The following ZNF804B variants were observed in gnomAD, a reference collection of about 807,000 sequenced individuals.
ZNF804B encodes the protein zinc finger 804B.
A neutral mutation model predicts 101.4 loss-of-function variants in ZNF804B; 80 were observed. That is an observed-to-expected ratio of 0.79 (90% CI 0.66 to 0.95). The LOEUF is 0.95. Among genes scored for constraint, ZNF804B ranks in the 40% least tolerant of loss-of-function variants. ZNF804B has a pLI of 0.00. For missense variants in ZNF804B, 1,673 were observed against 1,561.9 expected (o/e 1.07, Z -1.20); for synonymous variants, 622 against 558.8 (o/e 1.11, Z -1.59).
chr7:89,099,826 C>G (rs1277390033), intron 1 of ZNF804B, among the ~76,000 whole-genome samples: 1 of 152,088 alleles, frequency 6.6e-6, no homozygotes. Context: ...AATACAGAAG[C>G]AGCTCAGGAC....
chr7:89,219,821 T>C (rs907290031), intron 2 of ZNF804B, among the ~76,000 whole-genome samples: 1 of 149,424 alleles, frequency 6.7e-6, no homozygotes, highest in African/African-American at 2.5e-5. Context: ...TAGCATTATA[T>C]TGAGTGTATA....
At chr7:89,044,396 T>C (rs1409068603) in intron 1 of ZNF804B, among the ~76,000 whole-genome samples, 1 of 152,032 alleles carries the variant, frequency 6.6e-6, no homozygotes, top group African/African-American at 2.4e-5. Context: ...ACTAATACAG[T>C]AAATTGGTAT....
At chr7:89,230,132 C>T (rs1789167174) in intron 2 of ZNF804B, among the ~76,000 whole-genome samples, 1 of 151,660 alleles carries the variant, frequency 6.6e-6, no homozygotes. Context: ...GCAAAAAGAA[C>T]AGCAAATTAA....
At chr7:89,026,605 A>C (rs1788756082) in intron 1 of ZNF804B, among the ~76,000 whole-genome samples, 1 of 152,124 alleles carries the variant, frequency 6.6e-6, no homozygotes, top group African/African-American at 2.4e-5. Context: ...GAAAAGGATA[A>C]ATTTGGTAAA....
At chr7:89,185,610 C>T (rs1788364926) in intron 1 of ZNF804B, among the ~76,000 whole-genome samples, 1 of 152,080 alleles carries the variant, frequency 6.6e-6, no homozygotes, top group Admixed American at 6.6e-5. Context: ...CTTGTAATCC[C>T]CGCACTTTGA....
chr7:89,218,854 G>A (rs1387549142), intron 2 of ZNF804B, among the ~76,000 whole-genome samples: 3 of 152,044 alleles, frequency 2.0e-5, no homozygotes, highest in Non-Finnish European at 4.4e-5. Context: ...TCATCATAAA[G>A]GTCTTCATCT....
At chr7:88,968,205 A>C (rs549221221) in intron 1 of ZNF804B, among the ~76,000 whole-genome samples, 2 of 151,712 alleles carry the variant, frequency 1.3e-5, no homozygotes, top group South Asian at 2.1e-4. Flanking sequence ...AGGCAATATT[A>C]AGTTGTTAGG....
intron 1 of ZNF804B, among the ~76,000 whole-genome samples, chr7:88,814,800 CCTT>C: frequency 2.0e-5 from 3 of 152,098 alleles, no homozygotes; most frequent in East Asian, 3.9e-4. Flanking sequence ...TCTTCCTTCT[CCTT>C]CATTTCCTAC....
At chr7:88,930,492 T>C (rs973090585) in intron 1 of ZNF804B, among the ~76,000 whole-genome samples, 1 of 151,986 alleles carries the variant, frequency 6.6e-6, no homozygotes, top group Non-Finnish European at 1.5e-5. Flanking sequence ...AATATAATTC[T>C]AGGCTTATGT....
chr7:88,991,926 A>G (rs902170256), intron 1 of ZNF804B, among the ~76,000 whole-genome samples: 10 of 152,154 alleles, frequency 6.6e-5, no homozygotes, highest in Admixed American at 1.3e-4. Context: ...TTCTAAAATG[A>G]GGCAAAAAAT....
At chr7:89,010,028 AT>A (rs947601175) in intron 1 of ZNF804B, among the ~76,000 whole-genome samples, 5 of 152,116 alleles carry the variant, frequency 3.3e-5, no homozygotes, top group Non-Finnish European at 5.9e-5. Flanking sequence ...TATATTTACT[AT>A]TTTTTATATC....
intron 2 of ZNF804B, among the ~76,000 whole-genome samples, chr7:89,228,700 C>G (rs1584070299): frequency 6.6e-6 from 1 of 152,226 alleles, no homozygotes. Context: ...GCCCAGCTGG[C>G]TTCACCCAGT....
At chr7:88,888,892 C>G (rs757395163) in intron 1 of ZNF804B, among the ~76,000 whole-genome samples, 1 of 152,044 alleles carries the variant, frequency 6.6e-6, no homozygotes, top group Non-Finnish European at 1.5e-5. Flanking sequence ...GATTGCATCA[C>G]CCAGGTAGTG....
intron 1 of ZNF804B, among the ~76,000 whole-genome samples, chr7:88,996,270 A>G (rs1177775445): frequency 6.6e-6 from 1 of 152,124 alleles, no homozygotes; most frequent in Non-Finnish European, 1.5e-5. Context: ...TTTTCTGCAT[A>G]GAAATAGTGA....
At chr7:89,036,412 TATG>T (rs953410451) in intron 1 of ZNF804B, among the ~76,000 whole-genome samples, 3 of 151,946 alleles carry the variant, frequency 2.0e-5, no homozygotes, top group African/African-American at 7.2e-5. Context: ...ATATTAGTAT[TATG>T]GTAAATAAAA....
chr7:88,869,449 AC>A (rs1185946956), intron 1 of ZNF804B, among the ~76,000 whole-genome samples: 9 of 152,268 alleles, frequency 5.9e-5, no homozygotes, highest in Admixed American at 2.0e-4. Context: ...ACACTTTTCA[AC>A]ATTTCCCACC....
rs911549483 is a variant in ZNF804B at position 89,279,955 on chromosome 7, AT to A, written c.250-47382del. Among the ~76,000 whole-genome samples, 5 of 151,894 alleles carry A rather than the reference AT, an allele frequency of 3.3e-5. No homozygotes were observed. The East Asian group carries it at 5.8e-4, about 18-fold the overall frequency. ...TCCACCCCAAATCAACAGAATATAC[AT>A]TTTTTTCAACACCACACCACACCTA... On this transcript the variant is annotated intron_variant, in intron 2 of 3. Transcript: ENST00000333190.
At chr7:89,284,343 T>C (rs1481905464) in intron 2 of ZNF804B, among the ~76,000 whole-genome samples, 1 of 152,188 alleles carries the variant, frequency 6.6e-6, no homozygotes, top group Non-Finnish European at 1.5e-5. Flanking sequence ...TTTATTGTGT[T>C]CAGTGCTGTA....
At chr7:88,771,937 G>A (rs1474272225) in intron 1 of ZNF804B, among the ~76,000 whole-genome samples, 1 of 152,038 alleles carries the variant, frequency 6.6e-6, no homozygotes, top group Non-Finnish European at 1.5e-5. Flanking sequence ...TCACAAAAAT[G>A]AAATTTATGT....
Sources: allele counts gnomAD v4.1 joint callset (sites outside exome capture counted in the v4.1 genomes callset), GRCh38; gene constraint gnomAD v4.1.1; transcripts MANE v1.5; gene names NCBI Gene and HGNC (gene_info 2026-07-23, HGNC 2026-07-21).